The following COMMD10 variants were observed in gnomAD, a reference collection of about 807,000 sequenced individuals.
COMMD10 encodes the protein COMM domain-containing protein 10.
A neutral mutation model predicts 28.9 loss-of-function variants in COMMD10; 33 were observed. The observed-to-expected ratio is 1.14, with a 90% CI of 0.87 to 1.53. The LOEUF is 1.53. COMMD10 is among the 40% of genes most tolerant of loss of function. The pLI is 0.00. For missense variants in COMMD10, 310 were observed against 233.4 expected (o/e 1.33, Z -2.14); for synonymous variants, 110 against 81.7 (o/e 1.35, Z -1.87).
chr5:116,107,581 A>G (rs569610582), intron 4 of COMMD10, among the ~76,000 whole-genome samples: 1 of 149,688 alleles, frequency 6.7e-6, no homozygotes, highest in African/African-American at 2.5e-5. Context: ...AGTTTGTTTT[A>G]CCTTTTTTTC....
chr5:116,111,630 TGAG>T (rs1306613468), intron 4 of COMMD10, among the ~76,000 whole-genome samples: 1 of 152,196 alleles, frequency 6.6e-6, no homozygotes, highest in African/African-American at 2.4e-5. Context: ...TACTGTGGTC[TGAG>T]AAGTTACTTG....
chr5:116,122,647 T>A (rs1389466481), intron 4 of COMMD10, among the ~76,000 whole-genome samples: 2 of 152,218 alleles, frequency 1.3e-5, no homozygotes, highest in Non-Finnish European at 1.5e-5. Flanking sequence ...TGTGTCCTCT[T>A]TTATTTCATT....
chr5:116,236,083 T>C (rs1196945897), intron 5 of COMMD10, among the ~76,000 whole-genome samples: 1 of 152,112 alleles, frequency 6.6e-6, no homozygotes, highest in Non-Finnish European at 1.5e-5. Flanking sequence ...ATACATGTTA[T>C]TGTAACAGAA....
intron 5 of COMMD10, among the ~76,000 whole-genome samples, chr5:116,263,736 T>G (rs566183237): frequency 7.2e-4 from 109 of 151,806 alleles, no homozygotes; most frequent in Non-Finnish European, 1.0e-3. Context: ...TAAATTTACC[T>G]ATAGCCTGGA....
At chr5:116,272,140 A>G (rs1202399325) in intron 5 of COMMD10, among the ~76,000 whole-genome samples, 2 of 151,932 alleles carry the variant, frequency 1.3e-5, no homozygotes, top group African/African-American at 4.9e-5. Flanking sequence ...TTTCTAAGCG[A>G]TAATACCAGC....
intron 5 of COMMD10, 32 bp downstream of exon 5, chr5:116,134,210 TTTTG>T: frequency 7.7e-7 from 1 of 1,293,968 alleles, no homozygotes; most frequent in Admixed American, 1.7e-5. Flanking sequence ...AAAGGATGTA[TTTTG>T]TTTGTTAGGA....
chr5:116,292,576 G>A lies in COMMD10; in HGVS notation c.*87G>A. The A allele has an allele frequency of 9.0e-7, 1 of 1,110,626 alleles. No individual in the cohort carries two copies. The highest frequency in any genetic ancestry group is 1.3e-6 in the Non-Finnish European group (1 of 768,418). 68.8% of individuals were successfully genotyped at this position (1,110,626 alleles called of 1,614,324 possible). On this transcript the variant is annotated 3_prime_UTR_variant, in exon 7 of 7. Transcript: ENST00000274458. ...ACATTGCCAGGTTGTGTTTTCTGAAGGATTCAGTGACTTGCTTTCTGTAAA... is the reference window on the plus strand; with the variant it reads ...ACATTGCCAGGTTGTGTTTTCTGAAAGATTCAGTGACTTGCTTTCTGTAAA...
At chr5:116,279,697 A>G (rs1475207890) in intron 5 of COMMD10, among the ~76,000 whole-genome samples, 1 of 151,860 alleles carries the variant, frequency 6.6e-6, no homozygotes, top group African/African-American at 2.4e-5. Flanking sequence ...TTAACTTGGC[A>G]ATGGTATTGC....
chr5:116,148,164 A>G (rs769012672), intron 5 of COMMD10, among the ~76,000 whole-genome samples: 1 of 151,926 alleles, frequency 6.6e-6, no homozygotes, highest in Admixed American at 6.6e-5. Context: ...AATTCTATTC[A>G]TGTAAATTCT....
intron 5 of COMMD10, among the ~76,000 whole-genome samples, chr5:116,187,327 G>A (rs1748172593): frequency 6.6e-6 from 1 of 152,126 alleles, no homozygotes; most frequent in Non-Finnish European, 1.5e-5. Flanking sequence ...AGCAGTGGCA[G>A]TGTATTTGTT....
chr5:116,173,921 A>G (rs923147730), intron 5 of COMMD10, among the ~76,000 whole-genome samples: 1 of 151,634 alleles, frequency 6.6e-6, no homozygotes, highest in Non-Finnish European at 1.5e-5. Context: ...TTTATTCAAC[A>G]AACATCTATT....
chr5:116,105,505 G>T (rs1234161427), intron 4 of COMMD10, among the ~76,000 whole-genome samples: 1 of 152,096 alleles, frequency 6.6e-6, no homozygotes, highest in South Asian at 2.1e-4. Context: ...CTCTTTTTCT[G>T]TTGTTTGGAA....
At chr5:116,106,833 G>C (rs1750856081) in intron 4 of COMMD10, among the ~76,000 whole-genome samples, 2 of 152,180 alleles carry the variant, frequency 1.3e-5, no homozygotes, top group South Asian at 4.2e-4. Flanking sequence ...TTGCTTTGTA[G>C]ATCTTCCTCC....
chr5:116,114,078 G>C (rs1014384443), intron 4 of COMMD10, among the ~76,000 whole-genome samples: 1 of 152,240 alleles, frequency 6.6e-6, no homozygotes, highest in Non-Finnish European at 1.5e-5. Flanking sequence ...ATTCCTTTGT[G>C]TGTTAGGGTG....
At chr5:116,216,556 G>T (rs955003336) in intron 5 of COMMD10, among the ~76,000 whole-genome samples, 2 of 152,130 alleles carry the variant, frequency 1.3e-5, no homozygotes, top group African/African-American at 4.8e-5. Flanking sequence ...TGTTTGAGAC[G>T]GAGTCTTGCT....
At chr5:116,257,120 A>G (rs1476016957) in intron 5 of COMMD10, among the ~76,000 whole-genome samples, 1 of 151,718 alleles carries the variant, frequency 6.6e-6, no homozygotes, top group African/African-American at 2.4e-5. Flanking sequence ...AGATCAAGAA[A>G]TGGGTCCTCT....
At chr5:116,141,421 A>AT (rs557473118) in intron 5 of COMMD10, among the ~76,000 whole-genome samples, 1 of 151,048 alleles carries the variant, frequency 6.6e-6, no homozygotes, top group Admixed American at 6.6e-5. Context: ...GAATTTTAGA[A>AT]TTTTTTTTCT....
At chr5:116,101,502 C>T (rs181434720) in intron 4 of COMMD10, among the ~76,000 whole-genome samples, 180 of 152,264 alleles carry the variant, frequency 1.2e-3, no homozygotes, top group African/African-American at 4.2e-3. Flanking sequence ...CCTCGGCTCA[C>T]TGCAACCTCC....
chr5:116,199,580 G>A (rs1748611177), intron 5 of COMMD10, among the ~76,000 whole-genome samples: 1 of 148,610 alleles, frequency 6.7e-6, no homozygotes. Flanking sequence ...AATTAAGAAT[G>A]AAACAAAGTT....
Sources: allele counts gnomAD v4.1 joint callset (sites outside exome capture counted in the v4.1 genomes callset), GRCh38; gene constraint gnomAD v4.1.1; transcripts MANE v1.5; gene names NCBI Gene and HGNC (gene_info 2026-07-23, HGNC 2026-07-21).